TACR1: variants seen among roughly 807,000 people sequenced by gnomAD.
TACR1 encodes the protein tachykinin receptor 1, also known as substance-P receptor.
TACR1 carries 25 observed loss-of-function variants against 35.8 expected under a neutral mutation model. The observed-to-expected ratio is 0.70, with a 90% CI of 0.51 to 0.98. The LOEUF is 0.98. TACR1 is among the 50% of genes least tolerant of loss of function. The pLI is 0.00. For synonymous variants in TACR1, 195 were observed against 206.7 expected (o/e 0.94, Z 0.48); for missense variants, 478 against 522.9 (o/e 0.91, Z 0.84).
intron 2 of TACR1, among the ~76,000 whole-genome samples, chr2:75,116,302 G>T (rs1286830805): frequency 6.6e-6 from 1 of 152,048 alleles, no homozygotes; most frequent in African/African-American, 2.4e-5. Flanking sequence ...GTTTCACCAT[G>T]TTGCCCAGGC....
chr2:75,176,785 C>A (rs956726267), intron 1 of TACR1, among the ~76,000 whole-genome samples: 1 of 152,142 alleles, frequency 6.6e-6, no homozygotes, highest in African/African-American at 2.4e-5. Context: ...CTCTTAATGA[C>A]CCCCAGGACC....
intron 1 of TACR1, among the ~76,000 whole-genome samples, chr2:75,145,587 A>C (rs765815016): frequency 1.2e-4 from 19 of 152,258 alleles, no homozygotes; most frequent in African/African-American, 3.9e-4. Context: ...AGCCATTTAC[A>C]TAATATAATG....
At chr2:75,108,430 G>A (rs564784728) in intron 2 of TACR1, among the ~76,000 whole-genome samples, 15 of 152,174 alleles carry the variant, frequency 9.9e-5, no homozygotes, top group South Asian at 4.1e-4. Flanking sequence ...AAACTCTGTC[G>A]TACTAGGAAT....
chr2:75,122,456 C>T (rs1306534260), intron 1 of TACR1, among the ~76,000 whole-genome samples: 1 of 152,150 alleles, frequency 6.6e-6, no homozygotes, highest in Non-Finnish European at 1.5e-5. Context: ...TCTGTAAGGG[C>T]CACTGAAGGT....
intron 1 of TACR1, among the ~76,000 whole-genome samples, chr2:75,155,432 C>G (rs2103977620): frequency 6.6e-6 from 1 of 152,082 alleles, no homozygotes; most frequent in Non-Finnish European, 1.5e-5. Flanking sequence ...CCCCCTTTCT[C>G]TCCTCTCTCT....
chr2:75,111,607 T>C (rs894254366), intron 2 of TACR1, among the ~76,000 whole-genome samples: 4 of 152,148 alleles, frequency 2.6e-5, no homozygotes, highest in African/African-American at 9.6e-5. Context: ...GGTTTCTCCA[T>C]ATAAAGAATA....
At chr2:75,077,621 T>G (rs1040073836) in intron 2 of TACR1, among the ~76,000 whole-genome samples, 1 of 152,236 alleles carries the variant, frequency 6.6e-6, no homozygotes, top group Non-Finnish European at 1.5e-5. Flanking sequence ...TCTGCATTCA[T>G]TAATTCCTGT....
chr2:75,135,516 C>T (rs998850329), intron 1 of TACR1, among the ~76,000 whole-genome samples: 3 of 152,096 alleles, frequency 2.0e-5, no homozygotes, highest in Non-Finnish European at 4.4e-5. Context: ...TCCCGGCGCC[C>T]GTGCTATCCG....
At chr2:75,089,336 ACCT>A (rs1673257260) in intron 2 of TACR1, among the ~76,000 whole-genome samples, 1 of 152,106 alleles carries the variant, frequency 6.6e-6, no homozygotes, top group African/African-American at 2.4e-5. Flanking sequence ...CCCTGCCCTC[ACCT>A]CCTCCAGGAC....
intron 2 of TACR1, among the ~76,000 whole-genome samples, chr2:75,110,717 G>A (rs541870741): frequency 2.0e-4 from 30 of 151,050 alleles, no homozygotes; most frequent in Non-Finnish European, 4.0e-4. Flanking sequence ...ATAGTTTTTT[G>A]TATGAATGAT....
At chr2:75,063,461 A>T (rs1303072031) in intron 2 of TACR1, among the ~76,000 whole-genome samples, 1 of 152,154 alleles carries the variant, frequency 6.6e-6, no homozygotes, top group East Asian at 1.9e-4. Flanking sequence ...CCCATTAAGG[A>T]TTTATTTTGT....
At chr2:75,062,279 A>C (rs1672686759) in intron 2 of TACR1, among the ~76,000 whole-genome samples, 1 of 151,948 alleles carries the variant, frequency 6.6e-6, no homozygotes, top group African/African-American at 2.4e-5. Flanking sequence ...TTGAAAATAC[A>C]GACAAGCATT....
intron 2 of TACR1, among the ~76,000 whole-genome samples, chr2:75,073,187 A>G (rs1672915686): frequency 6.6e-6 from 1 of 152,260 alleles, no homozygotes; most frequent in South Asian, 2.1e-4. Context: ...AGCTGACTTC[A>G]TTTCCACCTA....
intron 1 of TACR1, among the ~76,000 whole-genome samples, chr2:75,132,696 G>A (rs1164160881): frequency 2.6e-5 from 4 of 152,078 alleles, no homozygotes; most frequent in Non-Finnish European, 5.9e-5. Flanking sequence ...TTGAGGATTT[G>A]TTGATGCCTT....
chr2:75,150,726 A>G (rs113702328), intron 1 of TACR1, among the ~76,000 whole-genome samples: 2,197 of 152,336 alleles, frequency 0.014, 57 homozygotes, highest in African/African-American at 0.05. Flanking sequence ...AAAATGTGGA[A>G]GCGACTTTGG....
At chr2:75,162,562 T>G (rs574820000) in intron 1 of TACR1, among the ~76,000 whole-genome samples, 1 of 152,268 alleles carries the variant, frequency 6.6e-6, no homozygotes, top group African/African-American at 2.4e-5. Flanking sequence ...AAGTGAAAAA[T>G]GTATCAAAGG....
At position 75,073,107 on chromosome 2, in the gene TACR1, A is replaced by C. The variant is rs1030966758; in HGVS notation, c.585-19352T>G. Among the ~76,000 whole-genome samples, 5 of 152,214 alleles carry C rather than the reference A, an allele frequency of 3.3e-5. No homozygotes were observed. The East Asian group carries it at 9.6e-4, about 29-fold the overall frequency. On this transcript the variant is annotated intron_variant, in intron 2 of 4. Coordinates refer to ENST00000305249, the MANE Select transcript of TACR1 (RefSeq NM_001058.4). The stretch of plus-strand genomic sequence containing the variant: ...ATATAAGAGGAAAACCTCACTACTC[A>C]CAGGAATAGGGACCCGGTGTTTGGA...
chr2:75,134,256 T>C (rs1674235763), intron 1 of TACR1, among the ~76,000 whole-genome samples: 1 of 152,208 alleles, frequency 6.6e-6, no homozygotes, highest in South Asian at 2.1e-4. Context: ...TTGCACAAGA[T>C]CCAAGAACCC....
intron 1 of TACR1, among the ~76,000 whole-genome samples, chr2:75,194,532 T>A (rs1213155732): frequency 6.6e-6 from 1 of 152,234 alleles, no homozygotes; most frequent in Non-Finnish European, 1.5e-5. Context: ...AATAGAGACC[T>A]GGAAAGCAGG....
Sources: allele counts gnomAD v4.1 joint callset (sites outside exome capture counted in the v4.1 genomes callset), GRCh38; gene constraint gnomAD v4.1.1; transcripts MANE v1.5; gene names NCBI Gene and HGNC (gene_info 2026-07-23, HGNC 2026-07-21).